Variants in ZHX2 observed in about 807,000 individuals in gnomAD.
ZHX2 encodes the protein zinc fingers and homeoboxes protein 2.
Under a neutral mutation model 21.9 loss-of-function variants are expected in ZHX2, and 6 were observed. That is an observed-to-expected ratio of 0.27 (90% CI 0.15 to 0.54). The LOEUF (loss-of-function observed/expected upper bound fraction) is 0.54, where lower values mean the gene tolerates loss of function less well. Among genes scored for constraint, ZHX2 ranks in the 20% least tolerant of loss-of-function variants. The pLI, the probability that ZHX2 is intolerant of heterozygous loss-of-function variation, is 0.95. For missense variants in ZHX2, 908 were observed against 1,090.7 expected, an observed-to-expected ratio of 0.83 and a Z score of 2.36; for synonymous variants, 434 against 437.1, an observed-to-expected ratio of 0.99 and a Z score of 0.09.
intron 2 of ZHX2, among the ~76,000 whole-genome samples, chr8:122,905,379 A>AT (rs112490449): frequency 0.036 from 5,502 of 151,990 alleles, 325 homozygotes; most frequent in African/African-American, 0.13. Context: ...ATGGCACAAC[A>AT]TTTTTTTTAA....
At chr8:122,891,271 TG>T (rs1263827172) in intron 2 of ZHX2, among the ~76,000 whole-genome samples, 64 of 1,556 alleles carry the variant, frequency 0.041, no homozygotes, top group Non-Finnish European at 0.063. Flanking sequence ...CTTGGTAGAT[TG>T]TGTGTGTGTG....
At chr8:122,921,379 C>T (rs1820734771) in intron 2 of ZHX2, among the ~76,000 whole-genome samples, 1 of 152,232 alleles carries the variant, frequency 6.6e-6, no homozygotes, top group African/African-American at 2.4e-5. Context: ...CTACCGTGCC[C>T]GGCTTGAAGG....
chr8:122,873,160 C>T (rs1819481740), intron 2 of ZHX2, among the ~76,000 whole-genome samples: 1 of 152,172 alleles, frequency 6.6e-6, no homozygotes, highest in Non-Finnish European at 1.5e-5. Flanking sequence ...ATATGTAAGT[C>T]CTGCACTGCC....
At chr8:122,797,827 A>G (rs568006062) in intron 1 of ZHX2, among the ~76,000 whole-genome samples, 1 of 152,358 alleles carries the variant, frequency 6.6e-6, no homozygotes, top group African/African-American at 2.4e-5. Flanking sequence ...GAAAATTAAC[A>G]TTTAATGAGC....
chr8:122,812,378 CT>C (rs1235529405), intron 1 of ZHX2, among the ~76,000 whole-genome samples: 1 of 152,194 alleles, frequency 6.6e-6, no homozygotes, highest in African/African-American at 2.4e-5. Context: ...TTATCCCTTT[CT>C]TTACGTGAAT....
At position 122,828,937 on chromosome 8, in the gene ZHX2, CT is replaced by C. The variant is rs925394249; in HGVS notation, c.-282-34533del. On this transcript the variant is annotated intron_variant, in intron 1 of 3. Transcript: ENST00000314393. This position sits in a 1 kb window ranked among gnomAD's most constrained non-coding sequence, Gnocchi z 5.2. ...TCCACTACAAATTGAAGAAATTGAT[CT>C]TTTTTTCAGTTATTAAAACACTACA... Among the ~76,000 whole-genome samples, 1 of 152,028 alleles carries C rather than the reference CT, an allele frequency of 6.6e-6. No individual in the cohort carries two copies.
At chr8:122,936,105 C>T (rs530359342) in intron 2 of ZHX2, among the ~76,000 whole-genome samples, 7 of 152,220 alleles carry the variant, frequency 4.6e-5, no homozygotes, top group South Asian at 4.2e-4. Context: ...AAAAAAACAA[C>T]GATAGATCTG....
chr8:122,901,598 GC>G (rs1317011126), intron 2 of ZHX2, among the ~76,000 whole-genome samples: 1 of 152,138 alleles, frequency 6.6e-6, no homozygotes, highest in African/African-American at 2.4e-5. Flanking sequence ...TAATTGTTGG[GC>G]AATGCTTCCT....
At chr8:122,899,391 C>T (rs935945993) in intron 2 of ZHX2, among the ~76,000 whole-genome samples, 14 of 152,250 alleles carry the variant, frequency 9.2e-5, no homozygotes, top group Non-Finnish European at 1.3e-4. Context: ...ACAGATCCTG[C>T]GTGGCTCATA....
intron 1 of ZHX2, among the ~76,000 whole-genome samples, chr8:122,802,778 G>A (rs544562458): frequency 1.8e-4 from 28 of 152,334 alleles, no homozygotes; most frequent in South Asian, 6.2e-4. Context: ...GGTTGTGTCC[G>A]TCATGGGGGC....
At chr8:122,928,542 T>C (rs1820909745) in intron 2 of ZHX2, among the ~76,000 whole-genome samples, 1 of 151,784 alleles carries the variant, frequency 6.6e-6, no homozygotes, top group African/African-American at 2.4e-5. Flanking sequence ...AAAGAAGAGA[T>C]GGGTAAGATC....
intron 2 of ZHX2, among the ~76,000 whole-genome samples, chr8:122,942,499 C>T (rs1019505271): frequency 2.0e-5 from 3 of 152,172 alleles, no homozygotes; most frequent in East Asian, 3.9e-4. Context: ...TCCCTGAGAG[C>T]GAGCAGCTCT....
chr8:122,794,452 GAAACCC>G, intron 1 of ZHX2, among the ~76,000 whole-genome samples: 1 of 152,256 alleles, frequency 6.6e-6, no homozygotes, highest in South Asian at 2.1e-4. Context: ...CTAGGGGTCA[GAAACCC>G]AAATGCTTTC....
chr8:122,930,644 G>T lies in ZHX2; in HGVS notation c.-219-20648G>T, dbSNP rs377467255. Among the ~76,000 whole-genome samples, 435 of 141,608 alleles carry T rather than the reference G, an allele frequency of 3.1e-3. 1 individual carries two copies. The highest frequency in any genetic ancestry group is 8.4e-3 in the African/African-American group (322 of 38,506). 92.9% of individuals were successfully genotyped at this position (141,608 alleles called of 152,430 possible). A position where few individuals can be genotyped will look rare whatever the true frequency, so the allele number is the denominator to read the frequency against. On this transcript the variant is annotated intron_variant, in intron 2 of 3. Coordinates refer to ENST00000314393, the MANE Select transcript of ZHX2 (RefSeq NM_014943.5). ...CAGCCACCACGCCTGGCTAATTTTT[G>T]TTTTTTTTTTTTTTTTATTTTTTTC...
chr8:122,826,102 A>G (rs577395951), intron 1 of ZHX2, among the ~76,000 whole-genome samples: 36 of 152,246 alleles, frequency 2.4e-4, no homozygotes, highest in Admixed American at 5.2e-4. Context: ...CATCAGCCCT[A>G]TTTTCTTCAC....
At chr8:122,791,072 C>A in intron 1 of ZHX2, among the ~76,000 whole-genome samples, 1 of 152,206 alleles carries the variant, frequency 6.6e-6, no homozygotes, top group East Asian at 1.9e-4. Context: ...GTGGCTCCAG[C>A]AAAAGGGCTG....
intron 2 of ZHX2, among the ~76,000 whole-genome samples, chr8:122,930,857 G>A (rs1344461458): frequency 6.6e-6 from 1 of 151,870 alleles, no homozygotes; most frequent in Non-Finnish European, 1.5e-5. Context: ...GGAAGTAGGG[G>A]GACCGGCTGG....
intron 2 of ZHX2, among the ~76,000 whole-genome samples, chr8:122,890,410 C>T (rs1819949365): frequency 1.3e-5 from 2 of 151,970 alleles, no homozygotes; most frequent in Non-Finnish European, 1.5e-5. Flanking sequence ...CAGTTTTGTT[C>T]TTTTTGCTTT....
intron 1 of ZHX2, among the ~76,000 whole-genome samples, chr8:122,798,971 G>A (rs1009807393): frequency 2.6e-5 from 4 of 152,018 alleles, no homozygotes; most frequent in Non-Finnish European, 5.9e-5. Context: ...CAATCCCCTG[G>A]GGCTTTATAA....
Sources: gnomAD v4.1 joint callset for allele counts (sites outside exome capture counted in the v4.1 genomes callset) on GRCh38, gnomAD v4.1.1 for gene constraint, Gnocchi (gnomAD v3.1) non-coding constraint, MANE v1.5 for transcripts, NCBI Gene and HGNC (gene_info 2026-07-23, HGNC 2026-07-21) for gene names.